Variants in BAZ2B observed in about 807,000 individuals in gnomAD.
The protein encoded by BAZ2B is bromodomain adjacent to zinc finger domain 2B.
Under a neutral mutation model 246.0 loss-of-function variants are expected in BAZ2B, and 91 were observed. That is an observed-to-expected ratio of 0.37 (90% CI 0.31 to 0.44). The LOEUF (loss-of-function observed/expected upper bound fraction) is 0.44, where lower values mean the gene tolerates loss of function less well. BAZ2B is among the 20% of genes least tolerant of loss of function. The pLI, the probability that BAZ2B is intolerant of heterozygous loss-of-function variation, is 1.00. For synonymous variants in BAZ2B, 855 were observed against 860.0 expected, an observed-to-expected ratio of 0.99 and a Z score of 0.10; for missense variants, 2,332 against 2,533.7, an observed-to-expected ratio of 0.92 and a Z score of 1.71.
In BAZ2B at chr2:159,349,756, A is replaced by G. The variant is rs1054357532; in HGVS notation, c.4815T>C (p.Ser1605=). Residue 1605 remains serine (S), a synonymous_variant, in exon 28 of 37, where the codon TCT becomes TCC. Coordinates refer to ENST00000392783, the MANE Select transcript of BAZ2B (RefSeq NM_013450.4). ...GATTTAAGCCAACAGGATTCTGAGC[A>G]GAAGATCCAAGAGGAGCTGGGGTAG... is the stretch of plus-strand genomic sequence containing the variant. ...PSPTPAPLGS[S]AQNPVGLNPF... The G allele has an allele frequency of 1.2e-6, 2 of 1,614,098 alleles. No individual in the cohort carries two copies. The highest frequency in any genetic ancestry group is 1.7e-6 in the Non-Finnish European group (2 of 1,180,000).
intron 2 of BAZ2B, among the ~76,000 whole-genome samples, chr2:159,501,174 T>TTA (rs1339195562): frequency 6.5e-5 from 6 of 92,294 alleles, no homozygotes; most frequent in East Asian, 5.7e-4. Flanking sequence ...ATAATATATA[T>TTA]TATATATATT....
chr2:159,382,882 T>G, intron 24 of BAZ2B, 80 bp from the exon 25 acceptor site: 1 of 1,510,926 alleles, frequency 6.6e-7, no homozygotes, highest in Non-Finnish European at 8.9e-7. Flanking sequence ...ATGAGTTGTA[T>G]GCAAAAATAC....
chr2:159,376,187 A>T (rs2149442930), intron 25 of BAZ2B, among the ~76,000 whole-genome samples: 1 of 152,330 alleles, frequency 6.6e-6, no homozygotes, highest in Admixed American at 6.5e-5. Context: ...AATGTTACCT[A>T]CTACATGAAG....
intron 18 of BAZ2B, 102 bp from the exon 19 acceptor site, chr2:159,397,491 G>T: frequency 1.5e-6 from 1 of 670,466 alleles, no homozygotes; most frequent in Non-Finnish European, 2.4e-6. Flanking sequence ...TTTTTCATTA[G>T]GTTGAACCAT....
intron 27 of BAZ2B, among the ~76,000 whole-genome samples, chr2:159,359,056 C>A (rs1301166150): frequency 6.6e-6 from 1 of 152,052 alleles, no homozygotes; most frequent in Non-Finnish European, 1.5e-5. Flanking sequence ...AACTGAGAGG[C>A]AAGAGCAAAC....
intron 25 of BAZ2B, among the ~76,000 whole-genome samples, chr2:159,377,744 G>A (rs1462576043): frequency 3.3e-5 from 5 of 150,124 alleles, no homozygotes; most frequent in South Asian, 4.2e-4. Context: ...ACCAGGAGGC[G>A]GAGGTTGCAG....
chr2:159,349,991 T>A lies in BAZ2B; in HGVS notation c.4580A>T (p.Asn1527Ile), dbSNP rs780410906. The A allele has an allele frequency of 3.7e-6, 6 of 1,614,160 alleles. No homozygotes were observed. Among genetic ancestry groups the A allele is most frequent in the Non-Finnish European group, 5.1e-6 (6 of 1,180,012 alleles). ...ACCACTTGAACCAGTATTAAACAGA[T>A]TATTAGAGTCTGCCTTTTCCACATT... ...QSNVEKADSN[N>I]LFNTGSSGPG... The change falls in exon 28 of 37, where the codon AAT becomes ATT. Residue 1527 changes from asparagine to isoleucine, a missense_variant. This residue lies in a region of BAZ2B where 676 missense variants were observed against 668.6 expected (regional missense o/e 1.01). Coordinates refer to ENST00000392783, the MANE Select transcript of BAZ2B (RefSeq NM_013450.4).
intron 13 of BAZ2B, 79 bp from the exon 14 acceptor site, chr2:159,412,624 C>G: frequency 7.4e-7 from 1 of 1,350,622 alleles, no homozygotes; most frequent in East Asian, 2.5e-5. Flanking sequence ...AAAATTCTAG[C>G]TAAAAATCAC....
chr2:159,462,221 C>T (rs572088838), intron 3 of BAZ2B: 41 of 492,608 alleles, frequency 8.3e-5, no homozygotes, highest in Non-Finnish European at 1.1e-4. Context: ...GCAGAGAACA[C>T]AAAAGAATCA....
intron 6 of BAZ2B, among the ~76,000 whole-genome samples, chr2:159,441,737 A>T (rs1360490660): frequency 1.3e-5 from 2 of 151,962 alleles, no homozygotes; most frequent in Non-Finnish European, 2.9e-5. Context: ...GCAGCCTTGA[A>T]CTCCTGGGCT....
chr2:159,610,024 A>G (rs891531770), intron 1 of BAZ2B, among the ~76,000 whole-genome samples: 3 of 152,208 alleles, frequency 2.0e-5, no homozygotes, highest in African/African-American at 4.8e-5. Context: ...AAATAGCAGT[A>G]AGCTTCTGAA....
intron 1 of BAZ2B, among the ~76,000 whole-genome samples, chr2:159,565,265 T>A (rs1336558420): frequency 6.6e-6 from 1 of 152,048 alleles, no homozygotes; most frequent in Non-Finnish European, 1.5e-5. Flanking sequence ...GAAAGTGAGA[T>A]GAGGATATGA....
chr2:159,541,846 T>C (rs13386318), intron 2 of BAZ2B, among the ~76,000 whole-genome samples: 38,575 of 152,068 alleles, frequency 0.25, 4,940 homozygotes, highest in South Asian at 0.34. Context: ...GCATTTCTTA[T>C]AGGCAGGTTT....
intron 35 of BAZ2B, 84 bp from the exon 36 acceptor site, chr2:159,325,038 A>AAT (rs1328651905): frequency 1.2e-4 from 4 of 32,848 alleles, no homozygotes; most frequent in Non-Finnish European, 2.3e-4. Flanking sequence ...GTTATTATAT[A>AAT]TATATTATAT....
chr2:159,605,609 C>G (rs1693306251), intron 1 of BAZ2B, among the ~76,000 whole-genome samples: 1 of 151,570 alleles, frequency 6.6e-6, no homozygotes, highest in South Asian at 2.1e-4. Flanking sequence ...AAAAAAAAAA[C>G]AGCTGGGCCC....
chr2:159,441,825 T>G (rs1463596170), intron 6 of BAZ2B, among the ~76,000 whole-genome samples: 1 of 152,136 alleles, frequency 6.6e-6, no homozygotes, highest in African/African-American at 2.4e-5. Context: ...CTTCTTAGGT[T>G]TATCAAAAAG....
intron 8 of BAZ2B, chr2:159,438,067 G>T: frequency 2.4e-6 from 1 of 418,458 alleles, no homozygotes; most frequent in Non-Finnish European, 4.2e-6. Flanking sequence ...CTTAGGCATG[G>T]GTTGCAGGGG....
chr2:159,415,771 C>T (rs2067603190), intron 13 of BAZ2B, among the ~76,000 whole-genome samples: 1 of 152,156 alleles, frequency 6.6e-6, no homozygotes, highest in African/African-American at 2.4e-5. Context: ...TAACCTGGGG[C>T]AAGAAGTCTA....
At chr2:159,402,850 G>A (rs1243348272) in intron 16 of BAZ2B, among the ~76,000 whole-genome samples, 1 of 152,120 alleles carries the variant, frequency 6.6e-6, no homozygotes. Flanking sequence ...ACTTTGTAAT[G>A]TTGAGTACTC....
Sources: gnomAD v4.1 joint callset for allele counts (sites outside exome capture counted in the v4.1 genomes callset) on GRCh38, gnomAD v4.1.1 for gene constraint, gnomAD v4.1.1 regional missense constraint, MANE v1.5 for transcripts, NCBI Gene and HGNC (gene_info 2026-07-23, HGNC 2026-07-21) for gene names.